Variants in NRG1 observed in about 807,000 individuals in gnomAD.
The protein encoded by NRG1 is pro-neuregulin-1, membrane-bound isoform.
A neutral mutation model predicts 63.8 loss-of-function variants in NRG1; 18 were observed. That is an observed-to-expected ratio of 0.28 (90% confidence interval 0.19 to 0.42). The LOEUF (loss-of-function observed/expected upper bound fraction) is 0.42, where lower values mean the gene tolerates loss of function less well. NRG1 is among the 10% of genes least tolerant of loss of function. NRG1 has a pLI of 1.00. For synonymous variants in NRG1, 302 were observed against 301.3 expected (o/e 1.00, Z -0.02); for missense variants, 762 against 814.7 (o/e 0.94, Z 0.79).
chr8:32,329,300 T>C (rs1305691973), intron 1 of NRG1, among the ~76,000 whole-genome samples: 1 of 152,188 alleles, frequency 6.6e-6, no homozygotes, highest in Admixed American at 6.5e-5. Context: ...ATTATTCTTG[T>C]ATTTGTTAAC....
At chr8:31,764,864 T>A (rs1476044431) in intron 1 of NRG1, among the ~76,000 whole-genome samples, 1 of 149,876 alleles carries the variant, frequency 6.7e-6, no homozygotes, top group East Asian at 2.0e-4. Flanking sequence ...GCATTAGGTA[T>A]ATCTCCCAAT....
At chr8:32,096,305 C>A (rs2346769) in intron 1 of NRG1, among the ~76,000 whole-genome samples, 60,840 of 152,110 alleles carry the variant, frequency 0.4, 13,856 homozygotes, top group Admixed American at 0.5. Flanking sequence ...TTCGTTGATA[C>A]ATAATAACTA....
At chr8:31,699,570 T>A (rs1810424869) in intron 1 of NRG1, among the ~76,000 whole-genome samples, 1 of 152,178 alleles carries the variant, frequency 6.6e-6, no homozygotes, top group South Asian at 2.1e-4. Context: ...AAGTGTGGTG[T>A]TTGCACTTCA....
intron 5 of NRG1, among the ~76,000 whole-genome samples, chr8:32,646,256 G>C (rs557161040): frequency 1.3e-5 from 2 of 152,170 alleles, no homozygotes; most frequent in South Asian, 4.1e-4. Flanking sequence ...CCTCCAGCCT[G>C]TACTCAGCAT....
chr8:32,773,531 A>G (rs1831927755), intron 7 of NRG1, among the ~76,000 whole-genome samples: 1 of 152,182 alleles, frequency 6.6e-6, no homozygotes, highest in Non-Finnish European at 1.5e-5. Flanking sequence ...GCAATAGTCT[A>G]GATTTCTCCC....
intron 1 of NRG1, among the ~76,000 whole-genome samples, chr8:32,341,662 G>A (rs773595556): frequency 5.3e-5 from 8 of 152,128 alleles, no homozygotes; most frequent in Non-Finnish European, 7.3e-5. Flanking sequence ...TTTGTTTTCC[G>A]TGTCCGTTCT....
chr8:31,921,021 G>A (rs1310695836), intron 1 of NRG1, among the ~76,000 whole-genome samples: 1 of 152,062 alleles, frequency 6.6e-6, no homozygotes, highest in African/African-American at 2.4e-5. Context: ...CAGATGACAT[G>A]CTGGTCCTAC....
chr8:32,164,225 G>T (rs1265858744), intron 1 of NRG1, among the ~76,000 whole-genome samples: 1 of 140,924 alleles, frequency 7.1e-6, no homozygotes, highest in African/African-American at 2.7e-5. Flanking sequence ...GAAAACACTA[G>T]TTTCATCATC....
At chr8:31,770,176 T>C (rs1366592742) in intron 1 of NRG1, among the ~76,000 whole-genome samples, 1 of 152,120 alleles carries the variant, frequency 6.6e-6, no homozygotes, top group Admixed American at 6.6e-5. Context: ...CAAAGAGATG[T>C]TTTATCTTTG....
At chr8:32,428,563 C>T (rs183206575) in intron 1 of NRG1, among the ~76,000 whole-genome samples, 26 of 152,270 alleles carry the variant, frequency 1.7e-4, no homozygotes, top group African/African-American at 6.0e-4. Flanking sequence ...TTCACACTTA[C>T]GTGTGAAGGG....
At chr8:32,554,407 G>T (rs1834717071) in intron 1 of NRG1, among the ~76,000 whole-genome samples, 1 of 152,032 alleles carries the variant, frequency 6.6e-6, no homozygotes, top group South Asian at 2.1e-4. Flanking sequence ...AAAAAAAGAA[G>T]AAATGGACAG....
intron 1 of NRG1, among the ~76,000 whole-genome samples, chr8:31,768,528 C>T (rs1818303231): frequency 6.6e-6 from 1 of 152,182 alleles, no homozygotes; most frequent in Non-Finnish European, 1.5e-5. Flanking sequence ...TTGTGGAACA[C>T]TGTTCAAATT....
In NRG1 at chr8:31,939,867, C is replaced by T. The variant is rs190677932; in HGVS notation, c.37+300436C>T. ...AGGGATTAGTCTGGCAGGAAAATACCGCAATTCTAAATATATAAGCACCTA... is the reference window on the plus strand; with the variant it reads ...AGGGATTAGTCTGGCAGGAAAATACTGCAATTCTAAATATATAAGCACCTA... On this transcript the variant is annotated intron_variant, in intron 1 of 10. Transcript: ENST00000519301. Among the ~76,000 whole-genome samples the T allele has an allele frequency of 2.8e-4, 42 of 152,016 alleles. No homozygotes were observed. The East Asian group carries it at 5.2e-3, about 19-fold the overall frequency.
intron 1 of NRG1, among the ~76,000 whole-genome samples, chr8:32,222,795 C>CAAAAATGAGGAAATATATTGAT (rs1845959935): frequency 6.6e-6 from 1 of 152,148 alleles, no homozygotes; most frequent in Non-Finnish European, 1.5e-5. Context: ...TCTGCCCTAT[C>CAAAAATGAGGAAATATATTGAT]AAAAATGAGG....
In NRG1 at chr8:32,021,870, T is replaced by G. The variant is rs562021857; in HGVS notation, c.37+382439T>G. Among the ~76,000 whole-genome samples the G allele has an allele frequency of 7.4e-4, 112 of 152,320 alleles. 2 individuals are homozygous for G. The highest frequency in any genetic ancestry group is 3.4e-3 in the Middle Eastern group (1 of 294). ...AGTGAAAATAATGTTAACATTTTTTTCCTTTCCTTCTTCCTTCTTCTCTTT... is the reference window on the plus strand; with the variant it reads ...AGTGAAAATAATGTTAACATTTTTTGCCTTTCCTTCTTCCTTCTTCTCTTT... On this transcript the variant is annotated intron_variant, in intron 1 of 10. Transcript: ENST00000519301.
chr8:32,434,384 A>G (rs1818530823), intron 1 of NRG1, among the ~76,000 whole-genome samples: 3 of 152,264 alleles, frequency 2.0e-5, no homozygotes, highest in South Asian at 4.1e-4. Context: ...TGTGAAAAAT[A>G]TGTAGGATTA....
At chr8:32,345,329 T>C (rs976713686) in intron 1 of NRG1, among the ~76,000 whole-genome samples, 3 of 152,118 alleles carry the variant, frequency 2.0e-5, no homozygotes, top group African/African-American at 7.2e-5. Flanking sequence ...GCTAACTATG[T>C]AGACTGATCC....
chr8:32,021,551 G>A (rs145590178), intron 1 of NRG1, among the ~76,000 whole-genome samples: 1,547 of 152,140 alleles, frequency 0.01, 30 homozygotes, highest in South Asian at 0.085. Flanking sequence ...TCCACACTGG[G>A]GATCAAATTT....
intron 1 of NRG1, among the ~76,000 whole-genome samples, chr8:31,934,105 T>C (rs419874): frequency 0.9 from 136,858 of 152,236 alleles, 62,313 homozygotes; most frequent in African/African-American, 0.97. Context: ...GTGGGTACCT[T>C]CATGTGTGTG....
Sources: gnomAD v4.1 joint callset for allele counts (sites outside exome capture counted in the v4.1 genomes callset) on GRCh38, gnomAD v4.1.1 for gene constraint, MANE v1.5 for transcripts, NCBI Gene and HGNC (gene_info 2026-07-23, HGNC 2026-07-21) for gene names.